PLEKHA7: variants seen among roughly 807,000 people sequenced by gnomAD.
The protein encoded by PLEKHA7 is pleckstrin homology domain containing A7, also known as pleckstrin homology domain-containing family A member 7.
A neutral mutation model predicts 170.0 loss-of-function variants in PLEKHA7; 104 were observed. The ratio of observed to expected loss-of-function variants is 0.61; its 90% confidence interval spans 0.52 to 0.72. The LOEUF (loss-of-function observed/expected upper bound fraction) is 0.72, where lower values mean the gene tolerates loss of function less well. Among genes scored for constraint, PLEKHA7 ranks in the 30% least tolerant of loss-of-function variants. PLEKHA7 has a pLI of 0.00. For synonymous variants in PLEKHA7, 648 were observed against 660.8 expected (o/e 0.98, Z 0.30); for missense variants, 1,615 against 1,671.7 (o/e 0.97, Z 0.59).
Position 16,847,808 on chromosome 11 carries a change from C to T in PLEKHA7, c.696+3383G>A, listed in dbSNP as rs1274230074. Among the ~76,000 whole-genome samples, 3 of 144,966 alleles carry T rather than the reference C, an allele frequency of 2.1e-5. No homozygotes were observed. In the Admixed American group the frequency reaches 2.1e-4, roughly 10 times the overall value. On this transcript the variant is annotated intron_variant, in intron 8 of 26. Transcript: ENST00000531066. The stretch of plus-strand genomic sequence containing the variant: ...AGTGAGCCAAGATCGTGCCATTGTA[C>T]TCCAGCCCGGGCGACAAGAGCGAAA...
At chr11:17,002,673 T>A (rs979671038) in intron 3 of PLEKHA7, among the ~76,000 whole-genome samples, 2 of 152,188 alleles carry the variant, frequency 1.3e-5, no homozygotes, top group Non-Finnish European at 2.9e-5. Context: ...CGAAGATTAT[T>A]ATTGTTGACA....
Position 16,935,611 on chromosome 11 carries a change from C to T in PLEKHA7, c.222-64429G>A, listed in dbSNP as rs117494984. Among the ~76,000 whole-genome samples, 616 of 152,224 alleles carry T rather than the reference C, an allele frequency of 4.0e-3. 3 individuals carry two copies. The highest frequency in any genetic ancestry group is 0.014 in the Middle Eastern group (4 of 294). On this transcript the variant is annotated intron_variant, in intron 3 of 26. Coordinates refer to ENST00000531066, the MANE Select transcript of PLEKHA7 (RefSeq NM_001329630.2). Reference sequence around the variant, plus strand: ...AGGTTTTCCAAATCACTGATATGAGCCAAAATCCTTACTGAGACTAGGGGG... The same window carrying T: ...AGGTTTTCCAAATCACTGATATGAGTCAAAATCCTTACTGAGACTAGGGGG...
At chr11:16,794,134 G>A (rs534183686) in intron 19 of PLEKHA7, among the ~76,000 whole-genome samples, 7 of 151,824 alleles carry the variant, frequency 4.6e-5, no homozygotes, top group African/African-American at 9.7e-5. Context: ...AGCCCCCTGC[G>A]GATTTGCACA....
Position 16,800,975 on chromosome 11 carries a change from T to C in PLEKHA7, c.2408A>G (p.Gln803Arg), listed in dbSNP as rs1207782005. The change falls in exon 17 of 27, where the codon CAG (glutamine) becomes CGG (arginine). Residue 803 changes from glutamine to arginine, a missense_variant and splice_region_variant. By Grantham distance (43) the Gln-to-Arg change is conservative. Transcript: ENST00000531066. ...AGAGATGGACAGGTATCAGGTCACC[T>C]GGAAAAAAAAGGCTCTTCTGTGTTG... ...QEQHRRAFFF[Q>R]EKSQIQKDLW... 6.2e-7 allele frequency: 1 copy of C among 1,613,584 alleles called. No individual in the cohort carries two copies. Among genetic ancestry groups the C allele is most frequent in the Non-Finnish European group, 8.5e-7 (1 of 1,179,474 alleles).
chr11:16,784,682 G>A (rs1849281182), intron 24 of PLEKHA7, among the ~76,000 whole-genome samples: 3 of 152,190 alleles, frequency 2.0e-5, no homozygotes, highest in Admixed American at 2.0e-4. Context: ...AAAATGGGGT[G>A]GGTTGAAGCT....
At chr11:16,971,054 T>C (rs1862680094) in intron 3 of PLEKHA7, among the ~76,000 whole-genome samples, 1 of 152,228 alleles carries the variant, frequency 6.6e-6, no homozygotes, top group Non-Finnish European at 1.5e-5. Flanking sequence ...TTTTCTGATC[T>C]GAGCATAGCA....
chr11:16,933,700 GA>G (rs756985166), intron 3 of PLEKHA7, among the ~76,000 whole-genome samples: 28 of 152,164 alleles, frequency 1.8e-4, no homozygotes, highest in Non-Finnish European at 3.5e-4. Context: ...CGTCCAAGAG[GA>G]AAAGTCACAA....
At chr11:16,832,087 C>T (rs1851161799) in intron 9 of PLEKHA7, among the ~76,000 whole-genome samples, 1 of 152,174 alleles carries the variant, frequency 6.6e-6, no homozygotes, top group Non-Finnish European at 1.5e-5. Flanking sequence ...GGGATTTAGA[C>T]TTTGCTGAAT....
chr11:16,906,312 C>T (rs887114605), intron 3 of PLEKHA7, among the ~76,000 whole-genome samples: 2 of 135,650 alleles, frequency 1.5e-5, no homozygotes, highest in African/African-American at 5.8e-5. Context: ...TCCTCCTCTC[C>T]CTCTCCCTCC....
At chr11:16,806,728 C>T (rs992283393) in intron 13 of PLEKHA7, among the ~76,000 whole-genome samples, 2 of 152,194 alleles carry the variant, frequency 1.3e-5, no homozygotes, top group African/African-American at 4.8e-5. Flanking sequence ...CCAAAAAGTG[C>T]CACCTTAATC....
intron 9 of PLEKHA7, among the ~76,000 whole-genome samples, chr11:16,837,348 C>A (rs1037530649): frequency 6.6e-6 from 1 of 152,140 alleles, no homozygotes; most frequent in African/African-American, 2.4e-5. Flanking sequence ...AGGGTTCTAG[C>A]CAGACATCAT....
At chr11:16,982,072 G>A (rs1863463141) in intron 3 of PLEKHA7, among the ~76,000 whole-genome samples, 1 of 152,258 alleles carries the variant, frequency 6.6e-6, no homozygotes, top group Non-Finnish European at 1.5e-5. Flanking sequence ...CTGCCAGAAG[G>A]TTCCCAATGA....
At chr11:16,795,563 G>T (rs1463425979) in intron 17 of PLEKHA7, among the ~76,000 whole-genome samples, 1 of 152,066 alleles carries the variant, frequency 6.6e-6, no homozygotes, top group Non-Finnish European at 1.5e-5. Flanking sequence ...AGGCCAAGGA[G>T]GTAAACACTT....
In PLEKHA7 at chr11:16,855,928, G is replaced by A. The variant is rs1363291786; in HGVS notation, c.306-14C>T. On this transcript the variant is annotated splice_polypyrimidine_tract_variant and intron_variant, in intron 4 of 26. Coordinates refer to ENST00000531066, the MANE Select transcript of PLEKHA7 (RefSeq NM_001329630.2). ...TGTGGATTCGGCCTGTGAGGAGACA[G>A]GGGATTCCAGTGAGTAAAAGCCGAG... 1 of 1,595,292 alleles carries A rather than the reference G, an allele frequency of 6.3e-7. No individual in the cohort carries two copies.
chr11:16,989,738 A>G (rs1367462987), intron 3 of PLEKHA7, among the ~76,000 whole-genome samples: 1 of 152,196 alleles, frequency 6.6e-6, no homozygotes, highest in Non-Finnish European at 1.5e-5. Context: ...TGAACAAGTG[A>G]TTATATGAAC....
At chr11:16,904,997 A>C (rs1185702886) in intron 3 of PLEKHA7, among the ~76,000 whole-genome samples, 1 of 152,212 alleles carries the variant, frequency 6.6e-6, no homozygotes, top group Non-Finnish European at 1.5e-5. Flanking sequence ...TCACGCCTGT[A>C]ATCTCAGCAC....
chr11:16,983,615 G>C (rs1004571350), intron 3 of PLEKHA7, among the ~76,000 whole-genome samples: 1 of 152,220 alleles, frequency 6.6e-6, no homozygotes, highest in Non-Finnish European at 1.5e-5. Context: ...CCCCAGTCTA[G>C]ATTTGTGGAG....
intron 6 of PLEKHA7, among the ~76,000 whole-genome samples, chr11:16,853,312 C>T (rs1565016526): frequency 6.6e-6 from 1 of 152,204 alleles, no homozygotes; most frequent in Non-Finnish European, 1.5e-5. Context: ...AGGATTGTTC[C>T]TCCTCCACTT....
intron 3 of PLEKHA7, among the ~76,000 whole-genome samples, chr11:16,940,313 G>A (rs1367847399): frequency 2.4e-5 from 3 of 126,778 alleles, no homozygotes; most frequent in Admixed American, 9.0e-5. Flanking sequence ...TTGAGACAGA[G>A]TCTTGCTCTG....
Sources: allele counts gnomAD v4.1 joint callset (sites outside exome capture counted in the v4.1 genomes callset), GRCh38; gene constraint gnomAD v4.1.1; transcripts MANE v1.5; gene names NCBI Gene and HGNC (gene_info 2026-07-23, HGNC 2026-07-21).